VPS35L: variants seen among roughly 807,000 people sequenced by gnomAD.
VPS35L encodes VPS35 endosomal protein-sorting factor-like.
VPS35L carries 83 observed loss-of-function variants against 133.0 expected under a neutral mutation model. The observed-to-expected ratio is 0.62, with a 90% CI of 0.52 to 0.75. The LOEUF is 0.75. VPS35L is among the 30% of genes least tolerant of loss of function. The probability of loss-of-function intolerance (pLI) is 0.00; values close to 1 mark genes in which losing one functional copy is unlikely to be tolerated. For synonymous variants in VPS35L, 423 were observed against 449.9 expected (o/e 0.94, Z 0.76); for missense variants, 1,083 against 1,206.8 (o/e 0.90, Z 1.52).
chr16:19,645,335 G>A (rs1276015902), intron 23 of VPS35L, among the ~76,000 whole-genome samples: 3 of 149,886 alleles, frequency 2.0e-5, no homozygotes, highest in Non-Finnish European at 4.4e-5. Flanking sequence ...TGTCGCCCAG[G>A]CTGGAGTGCA....
intron 9 of VPS35L, among the ~76,000 whole-genome samples, chr16:19,603,960 G>C (rs1235485985): frequency 6.6e-6 from 1 of 151,998 alleles, no homozygotes; most frequent in Non-Finnish European, 1.5e-5. Context: ...TTCAACTCCT[G>C]ACCTCAGGTG....
In VPS35L at chr16:19,697,682, A is replaced by C. The variant is rs552004100; in HGVS notation, c.2647-1820A>C. On this transcript the variant is annotated intron_variant, in intron 29 of 30. Transcript: ENST00000417362. ...GAGAGTAGTTGAGAAAAGCAGGAAG[A>C]AATGTGTTTTGGTGTAAGCCCAATC... Among the ~76,000 whole-genome samples, 4 of 152,128 alleles carry C rather than the reference A, an allele frequency of 2.6e-5. No individual in the cohort carries two copies. In the East Asian group the frequency reaches 7.7e-4, roughly 29 times the overall value.
At chr16:19,696,908 T>C (rs1403514522) in intron 29 of VPS35L, among the ~76,000 whole-genome samples, 3 of 152,242 alleles carry the variant, frequency 2.0e-5, no homozygotes, top group Non-Finnish European at 4.4e-5. Flanking sequence ...AAGAGTTTTA[T>C]TTTAGCTTGG....
intron 29 of VPS35L, 149 bp downstream of exon 29, chr16:19,691,620 T>G: frequency 1.7e-6 from 1 of 601,258 alleles, no homozygotes; most frequent in Non-Finnish European, 3.0e-6. Context: ...CTTTGGGGCC[T>G]TCGCTCCTGC....
intron 2 of VPS35L, among the ~76,000 whole-genome samples, chr16:19,569,071 T>C (rs2151505305): frequency 6.6e-6 from 1 of 152,324 alleles, no homozygotes; most frequent in Middle Eastern, 3.4e-3. Flanking sequence ...AGTGGGTAGT[T>C]GGCGATTTGC....
intron 14 of VPS35L, among the ~76,000 whole-genome samples, chr16:19,622,557 G>A (rs1366751676): frequency 9.9e-5 from 15 of 151,974 alleles, no homozygotes. Flanking sequence ...TTTTCGTTCA[G>A]CATATGGTTG....
intron 27 of VPS35L, among the ~76,000 whole-genome samples, chr16:19,679,161 G>A (rs1169215002): frequency 6.8e-6 from 1 of 147,814 alleles, no homozygotes; most frequent in Admixed American, 6.7e-5. Flanking sequence ...GGAGGCGGGG[G>A]GGCGGGGAGG....
chr16:19,612,074 G>T (rs890645501), intron 12 of VPS35L, among the ~76,000 whole-genome samples: 3 of 151,602 alleles, frequency 2.0e-5, no homozygotes, highest in African/African-American at 7.3e-5. Context: ...GAGTAGCTGG[G>T]ACTCCAGGTG....
At chr16:19,660,260 G>A (rs985937586) in intron 26 of VPS35L, among the ~76,000 whole-genome samples, 5 of 152,052 alleles carry the variant, frequency 3.3e-5, no homozygotes, top group African/African-American at 1.2e-4. Flanking sequence ...CCTGGGAGGT[G>A]GAGGTTGCAG....
Position 19,573,146 on chromosome 16 carries a change from G to A in VPS35L, c.313G>A (p.Asp105Asn). The A allele has an allele frequency of 6.2e-7, 1 of 1,613,902 alleles. No homozygotes were observed. The highest frequency in any genetic ancestry group is 1.3e-5 in the African/African-American group (1 of 75,024). ...MDSSRRKRDRDDNSVVGSDFE... is the reference protein window; with the variant it reads ...MDSSRRKRDRNDNSVVGSDFE... ...CAGCTCCAGAAGGAAACGTGATAGAGATGATAACTCCGTTGTAGGATCGGA... is the reference window on the plus strand; with the variant it reads ...CAGCTCCAGAAGGAAACGTGATAGAAATGATAACTCCGTTGTAGGATCGGA... The change falls in exon 4 of 31, where the codon GAT becomes AAT. Residue 105 changes from aspartate (D) to asparagine (N), a missense_variant. By Grantham distance (23) the Asp-to-Asn change is conservative. Coordinates refer to ENST00000417362, the MANE Select transcript of VPS35L (RefSeq NM_020314.7).
At position 19,639,167 on chromosome 16, in the gene VPS35L, G is replaced by A. The variant is rs1048205938; in HGVS notation, c.1699-848G>A. Among the ~76,000 whole-genome samples, 3 of 152,204 alleles carry A rather than the reference G, an allele frequency of 2.0e-5. No individual in the cohort carries two copies. The highest frequency in any genetic ancestry group is 2.9e-5 in the Non-Finnish European group (2 of 68,040). On this transcript the variant is annotated intron_variant, in intron 20 of 30. Coordinates refer to ENST00000417362, the MANE Select transcript of VPS35L (RefSeq NM_020314.7). The surrounding 1 kb of genome is among the most constrained non-coding windows in gnomAD (Gnocchi z 4.1). Reference sequence around the variant, plus strand: ...TAATATTTTCGGATGGCCGTTAACCGAGGATAACTGACACTATGGAAAGCA... The same window carrying A: ...TAATATTTTCGGATGGCCGTTAACCAAGGATAACTGACACTATGGAAAGCA...
intron 7 of VPS35L, among the ~76,000 whole-genome samples, chr16:19,584,424 C>T (rs1971800481): frequency 6.6e-6 from 1 of 151,914 alleles, no homozygotes; most frequent in Non-Finnish European, 1.5e-5. Flanking sequence ...GTCAGGAGTT[C>T]GAGACCAGCC....
intron 26 of VPS35L, among the ~76,000 whole-genome samples, chr16:19,660,562 GA>G (rs1974450901): frequency 6.6e-6 from 1 of 151,894 alleles, no homozygotes; most frequent in African/African-American, 2.4e-5. Flanking sequence ...ATGCATTATT[GA>G]AAAAAAGCAA....
chr16:19,626,093 A>C (rs1206563853), intron 14 of VPS35L, 84 bp from the exon 15 acceptor site: 7 of 840,670 alleles, frequency 8.3e-6, no homozygotes, highest in Non-Finnish European at 1.3e-5. Flanking sequence ...TTCATTTTAG[A>C]GTTCGACTTT....
At chr16:19,642,007 C>G (rs1162676454) in intron 21 of VPS35L, among the ~76,000 whole-genome samples, 2 of 152,038 alleles carry the variant, frequency 1.3e-5, no homozygotes, top group Non-Finnish European at 2.9e-5. Flanking sequence ...GCCAGGAGTT[C>G]GAGAGCAGCC....
At chr16:19,626,856 A>G (rs543063439) in intron 15 of VPS35L, among the ~76,000 whole-genome samples, 2 of 152,092 alleles carry the variant, frequency 1.3e-5, no homozygotes, top group African/African-American at 4.8e-5. Flanking sequence ...CCTGACTCTC[A>G]CGAATATGAG....
At chr16:19,557,134 AAAT>A (rs1160041850) in intron 1 of VPS35L, among the ~76,000 whole-genome samples, 2 of 152,096 alleles carry the variant, frequency 1.3e-5, no homozygotes, top group South Asian at 2.1e-4. Flanking sequence ...TGTCTCAAAA[AAAT>A]AATAATAAAA....
At position 19,698,564 on chromosome 16, in the gene VPS35L, C is replaced by T. The variant is rs536517445; in HGVS notation, c.2647-938C>T. 2.6e-5 allele frequency among the ~76,000 whole-genome samples: 4 copies of T among 152,202 alleles called. No homozygotes were observed. In the East Asian group the frequency reaches 7.7e-4, roughly 29 times the overall value. On this transcript the variant is annotated intron_variant, in intron 29 of 30. Coordinates refer to ENST00000417362, the MANE Select transcript of VPS35L (RefSeq NM_020314.7). ...GACACCTCTAGAATTCTATCATGGGCGGTTAGGAGTGTACCTGCCACGGAG... is the reference window on the plus strand; with the variant it reads ...GACACCTCTAGAATTCTATCATGGGTGGTTAGGAGTGTACCTGCCACGGAG...
At chr16:19,556,812 T>G (rs1234450317) in intron 1 of VPS35L, among the ~76,000 whole-genome samples, 23 of 150,442 alleles carry the variant, frequency 1.5e-4, no homozygotes, top group Admixed American at 5.3e-4. Context: ...ACCCTGAGGT[T>G]TTTTTTTTTT....
Sources: gnomAD v4.1 joint callset for allele counts (sites outside exome capture counted in the v4.1 genomes callset) on GRCh38, gnomAD v4.1.1 for gene constraint, Gnocchi (gnomAD v3.1) non-coding constraint, MANE v1.5 for transcripts, NCBI Gene and HGNC (gene_info 2026-07-23, HGNC 2026-07-21) for gene names.